Variants in ACO2 observed in about 807,000 individuals in gnomAD.
ACO2 encodes the protein aconitate hydratase, mitochondrial.
ACO2 carries 31 observed loss-of-function variants against 84.5 expected under a neutral mutation model. The observed-to-expected ratio is 0.37, with a 90% CI of 0.28 to 0.50. ACO2 has a LOEUF of 0.50. ACO2 is among the 20% of genes least tolerant of loss of function. The probability of loss-of-function intolerance (pLI) is 0.97; values close to 1 mark genes in which losing one functional copy is unlikely to be tolerated. For missense variants in ACO2, 685 were observed against 1,029.3 expected, an observed-to-expected ratio of 0.67 and a Z score of 4.58; for synonymous variants, 414 against 412.7, an observed-to-expected ratio of 1.00 and a Z score of -0.04.
intron 2 of ACO2, among the ~76,000 whole-genome samples, chr22:41,503,972 G>A (rs564012924): frequency 6.6e-6 from 1 of 152,294 alleles, no homozygotes; most frequent in African/African-American, 2.4e-5. Context: ...CCGGCACTTT[G>A]GGAGGCCGAG....
intron 15 of ACO2, chr22:41,527,029 A>G: frequency 1.8e-6 from 1 of 563,868 alleles, no homozygotes. Flanking sequence ...TGCCTCTGCC[A>G]AGCACCAATG....
intron 1 of ACO2, among the ~76,000 whole-genome samples, chr22:41,492,191 A>G (rs1465060565): frequency 6.6e-6 from 1 of 152,210 alleles, no homozygotes; most frequent in Non-Finnish European, 1.5e-5. Flanking sequence ...GTAATTTTTA[A>G]TTTTTATTCT....
chr22:41,498,613 C>T (rs1000498163), intron 1 of ACO2, among the ~76,000 whole-genome samples: 6 of 152,106 alleles, frequency 3.9e-5, no homozygotes, highest in East Asian at 1.9e-4. Flanking sequence ...TGGCAAGAGG[C>T]CCCTGTTCCT....
At chr22:41,526,907 T>C in intron 15 of ACO2, 1 of 334,668 alleles carries the variant, frequency 3.0e-6, no homozygotes, top group Non-Finnish European at 5.5e-6. Context: ...CCCTGGTGGC[T>C]GGGTGGGGCA....
intron 1 of ACO2, among the ~76,000 whole-genome samples, chr22:41,474,866 T>C (rs933106905): frequency 2.6e-5 from 4 of 152,128 alleles, no homozygotes; most frequent in Admixed American, 2.0e-4. Flanking sequence ...CCCAAAGTGC[T>C]GGGATTACAG....
chr22:41,506,966 G>T (rs527722426), intron 2 of ACO2, among the ~76,000 whole-genome samples: 3 of 151,926 alleles, frequency 2.0e-5, no homozygotes, highest in Non-Finnish European at 4.4e-5. Flanking sequence ...GAGTGGACCC[G>T]CGCAGAGCTC....
intron 3 of ACO2, among the ~76,000 whole-genome samples, chr22:41,509,687 G>C (rs1442383235): frequency 1.3e-5 from 2 of 152,074 alleles, no homozygotes; most frequent in African/African-American, 4.8e-5. Context: ...TACTGCTGGA[G>C]TTCTCTGTGT....
At chr22:41,525,419 G>C (rs1743696423) in intron 14 of ACO2, 71 bp downstream of exon 14, 16 of 1,577,130 alleles carry the variant, frequency 1.0e-5, no homozygotes, top group Non-Finnish European at 1.3e-5. Flanking sequence ...ATCGGGAAGG[G>C]CCATGAACCT....
At chr22:41,525,447 T>C in intron 14 of ACO2, 99 bp downstream of exon 14, 1 of 1,461,304 alleles carries the variant, frequency 6.8e-7, no homozygotes, top group Non-Finnish European at 9.3e-7. Flanking sequence ...GTGAGCACAG[T>C]CAAGACGCAG....
chr22:41,526,001 T>A, intron 14 of ACO2: 1 of 418,264 alleles, frequency 2.4e-6, no homozygotes, highest in Non-Finnish European at 4.3e-6. Flanking sequence ...CATTGACCTG[T>A]CCCAACTTTG....
chr22:41,527,469 C>G (rs1390950747), intron 16 of ACO2, 49 bp downstream of exon 16: 1 of 1,563,026 alleles, frequency 6.4e-7, no homozygotes, highest in East Asian at 2.3e-5. Context: ...CCCTAGTGAT[C>G]AAGGTCACTC....
At chr22:41,519,049 G>T (rs975208711) in intron 8 of ACO2, among the ~76,000 whole-genome samples, 11 of 152,162 alleles carry the variant, frequency 7.2e-5, no homozygotes, top group African/African-American at 2.2e-4. Context: ...TGGGGAGGGG[G>T]GAGACACAGC....
At chr22:41,478,680 T>G (rs2038048905) in intron 1 of ACO2, among the ~76,000 whole-genome samples, 2 of 152,118 alleles carry the variant, frequency 1.3e-5, no homozygotes, top group Non-Finnish European at 2.9e-5. Context: ...TTGGGAGCTT[T>G]AATTCTGTGG....
rs2087470854 is a variant in ACO2 at position 41,524,924 on chromosome 22, A to T, written c.1561A>T (p.Lys521Ter). ...CTACCTGACGGGCACGGATGGCAAG[A>T]AGTTCAGGCTGGAGGCTCCGGATGC... is the stretch of plus-strand genomic sequence containing the variant. ...TDYLTGTDGK[K>*]FRLEAPDADE... is the part of the protein sequence containing the mutation. Residue 521 changes from lysine (K) to a stop codon, truncating the protein, a stop_gained, in exon 13 of 18, where the codon AAG (lysine) becomes TAG (stop). Transcript: ENST00000216254. LOFTEE classifies it high-confidence loss of function. 3 of 1,614,142 alleles carry T rather than the reference A, an allele frequency of 1.9e-6. No individual in the cohort carries two copies. Among genetic ancestry groups the T allele is most frequent in the Non-Finnish European group, 2.5e-6 (3 of 1,180,022 alleles).
chr22:41,527,707 G>C, intron 16 of ACO2, 194 bp from the exon 17 acceptor site: 2 of 902,564 alleles, frequency 2.2e-6, no homozygotes, highest in Non-Finnish European at 1.6e-6. Flanking sequence ...AGGCCTCGCA[G>C]ACCTCAGCAC....
At chr22:41,475,167 T>C (rs1224896397) in intron 1 of ACO2, among the ~76,000 whole-genome samples, 1 of 149,048 alleles carries the variant, frequency 6.7e-6, no homozygotes, top group Non-Finnish European at 1.5e-5. Context: ...AATTGTTTTT[T>C]CCTTTTTTTT....
At chr22:41,525,397 C>T (rs575046900) in intron 14 of ACO2, 49 bp downstream of exon 14, 59 of 1,603,508 alleles carry the variant, frequency 3.7e-5, no homozygotes, top group Middle Eastern at 2.1e-4. Context: ...CAGGGCCCCC[C>T]GTCCCCTGAG....
intron 14 of ACO2, chr22:41,526,038 T>C (rs1007926635): frequency 2.0e-6 from 1 of 496,718 alleles, no homozygotes; most frequent in African/African-American, 1.9e-5. Context: ...TAAGGGAGAC[T>C]GAGCAGCCAG....
chr22:41,526,178 G>C, intron 14 of ACO2, 84 bp from the exon 15 acceptor site: 1 of 1,298,096 alleles, frequency 7.7e-7, no homozygotes, highest in Non-Finnish European at 1.1e-6. Flanking sequence ...GGGCCCCGGG[G>C]CCTGCTGCCT....
Sources: gnomAD v4.1 joint callset for allele counts (sites outside exome capture counted in the v4.1 genomes callset) on GRCh38, gnomAD v4.1.1 for gene constraint, MANE v1.5 for transcripts, NCBI Gene and HGNC (gene_info 2026-07-23, HGNC 2026-07-21) for gene names.